PCDH11Y: variants seen among roughly 807,000 people sequenced by gnomAD.
PCDH11Y encodes the protein protocadherin 11 Y-linked.
For synonymous variants in PCDH11Y, 9 were observed against 83.6 expected, an observed-to-expected ratio of 0.11 and a Z score of 4.87; for missense variants, 12 against 224.8, an observed-to-expected ratio of 0.05 and a Z score of 6.05.
intron 4 of PCDH11Y, among the ~76,000 whole-genome samples, chrY:5,648,277 T>A: frequency 3.0e-5 from 1 of 33,356 alleles, no homozygotes; most frequent in South Asian, 6.7e-4. Context: ...ATCCTGAGCA[T>A]TATATTTCAC....
At chrY:5,028,665 T>G (rs2052583380) in intron 1 of PCDH11Y, among the ~76,000 whole-genome samples, 1 of 31,914 alleles carries the variant, frequency 3.1e-5, no homozygotes, top group Non-Finnish European at 7.6e-5. Flanking sequence ...CCTAGCTATT[T>G]GGGAGGCTGA....
intron 2 of PCDH11Y, among the ~76,000 whole-genome samples, chrY:5,422,454 T>C: frequency 3.3e-5 from 1 of 30,000 alleles, no homozygotes; most frequent in Middle Eastern, 0.015. Context: ...CTAAGAATGA[T>C]ATGGAATCTC....
At chrY:5,612,606 CA>C (rs2053488679) in intron 4 of PCDH11Y, among the ~76,000 whole-genome samples, 2 of 31,297 alleles carry the variant, frequency 6.4e-5, no homozygotes, top group Admixed American at 5.9e-4. Flanking sequence ...TCTCTGACTA[CA>C]ATAAAGTACA....
chrY:5,679,377 A>G, intron 4 of PCDH11Y, among the ~76,000 whole-genome samples: 1 of 33,635 alleles, frequency 3.0e-5, no homozygotes, highest in Non-Finnish European at 7.4e-5. Flanking sequence ...CAGATGACTT[A>G]TCTAGATACA....
intron 4 of PCDH11Y, among the ~76,000 whole-genome samples, chrY:5,599,603 G>T: frequency 3.0e-5 from 1 of 33,107 alleles, no homozygotes; most frequent in South Asian, 6.5e-4. Flanking sequence ...TGACATAAAT[G>T]CAAAGATGTG....
chrY:5,312,654 C>T, intron 2 of PCDH11Y, among the ~76,000 whole-genome samples: 1 of 27,601 alleles, frequency 3.6e-5, no homozygotes, highest in African/African-American at 1.4e-4. Context: ...TGATCACTTT[C>T]GTTATCTTAA....
chrY:5,443,321 A>G, intron 2 of PCDH11Y, among the ~76,000 whole-genome samples: 1 of 33,609 alleles, frequency 3.0e-5, no homozygotes, highest in African/African-American at 1.2e-4. Context: ...GAAAAATCAT[A>G]TAAGTATCTC....
intron 2 of PCDH11Y, among the ~76,000 whole-genome samples, chrY:5,490,983 C>T: frequency 2.9e-5 from 1 of 33,946 alleles, no homozygotes; most frequent in Non-Finnish European, 7.4e-5. Context: ...CAGACTTTGA[C>T]CACCCACAAA....
At chrY:5,651,357 A>C in intron 4 of PCDH11Y, among the ~76,000 whole-genome samples, 1 of 33,304 alleles carries the variant, frequency 3.0e-5, no homozygotes, top group Non-Finnish European at 7.5e-5. Context: ...CTTCTGATAA[A>C]TGTAGTTCTT....
intron 2 of PCDH11Y, among the ~76,000 whole-genome samples, chrY:5,190,449 ATACATTTGATTTTCTCTAATT>A (rs2052911084): frequency 5.9e-5 from 2 of 33,806 alleles, no homozygotes; most frequent in Admixed American, 2.7e-4. Context: ...TATTAAAACC[ATACATTTGATTTTCTCTAATT>A]TTTAGAAGCC....
rs1347589006 is a variant in PCDH11Y, at chrY:5,399,161, C to T, written c.3130-101896C>T. ...TTAATCTGAAGGACTTGATAAGATA[C>T]GCCAAATTGCTTAGAAACAATTTGT... On this transcript the variant is annotated intron_variant, in intron 2 of 4. Transcript: ENST00000400457. Among the ~76,000 whole-genome samples, 42 of 32,680 alleles carry T rather than the reference C, an allele frequency of 1.3e-3. No homozygotes were observed. In the East Asian group the frequency reaches 0.032, roughly 25 times the overall value. The allele number at this position is 32,680 out of a possible 37,273, so 87.7% of individuals were successfully genotyped here.
chrY:5,536,211 C>A, intron 3 of PCDH11Y, among the ~76,000 whole-genome samples: 1 of 32,037 alleles, frequency 3.1e-5, no homozygotes, highest in African/African-American at 1.2e-4. Context: ...CAGGCTTGAG[C>A]CACCGCGCCC....
At chrY:5,600,587 G>C in intron 4 of PCDH11Y, among the ~76,000 whole-genome samples, 1 of 31,875 alleles carries the variant, frequency 3.1e-5, no homozygotes, top group Non-Finnish European at 7.6e-5. Context: ...AAAACAAAAA[G>C]TTCCAGATGA....
intron 2 of PCDH11Y, among the ~76,000 whole-genome samples, chrY:5,237,419 G>T: frequency 3.1e-5 from 1 of 32,747 alleles, no homozygotes; most frequent in Non-Finnish European, 7.5e-5. Flanking sequence ...TATTAAGTGT[G>T]CAATAGCATT....
At chrY:5,659,405 C>A in intron 4 of PCDH11Y, among the ~76,000 whole-genome samples, 1 of 32,789 alleles carries the variant, frequency 3.0e-5, no homozygotes, top group Non-Finnish European at 7.5e-5. Flanking sequence ...GAGATCCTGT[C>A]TGAGAGCCAG....
At chrY:5,003,489 C>T in intron 1 of PCDH11Y, among the ~76,000 whole-genome samples, 1 of 33,196 alleles carries the variant, frequency 3.0e-5, no homozygotes, top group East Asian at 8.3e-4. Flanking sequence ...GGTCATCTTT[C>T]CCACAAAATT....
chrY:5,048,054 C>T (rs2124626434), intron 3 of PCDH11Y, among the ~76,000 whole-genome samples: 2 of 6,913 alleles, frequency 2.9e-4, no homozygotes, highest in East Asian at 5.7e-3. Flanking sequence ...CCTCCTCCCA[C>T]GCTCCATGCT....
chrY:5,447,204 G>T, intron 2 of PCDH11Y, among the ~76,000 whole-genome samples: 2 of 31,389 alleles, frequency 6.4e-5, no homozygotes, highest in African/African-American at 1.2e-4. Flanking sequence ...GGAGGCAACA[G>T]AAGGAATTAG....
intron 3 of PCDH11Y, among the ~76,000 whole-genome samples, chrY:5,049,130 G>A: frequency 1.2e-4 from 4 of 32,410 alleles, no homozygotes; most frequent in African/African-American, 3.7e-4. Context: ...GTCCCAGCCC[G>A]ATTTGTTGTG....
Sources: allele counts gnomAD v4.1 joint callset (sites outside exome capture counted in the v4.1 genomes callset), GRCh38; gene constraint gnomAD v4.1.1; transcripts MANE v1.5; gene names NCBI Gene and HGNC (gene_info 2026-07-23, HGNC 2026-07-21).